Variants in XCR1 observed in about 807,000 individuals in gnomAD.
XCR1 encodes the protein X-C motif chemokine receptor 1, also known as chemokine XC receptor 1.
For synonymous variants in XCR1, 187 were observed against 188.5 expected (o/e 0.99, Z 0.06); for missense variants, 356 against 424.2 (o/e 0.84, Z 1.41).
At chr3:46,059,366 A>T (rs1476830792) in intron 4 of XCR1, among the ~76,000 whole-genome samples, 1 of 152,200 alleles carries the variant, frequency 6.6e-6, no homozygotes, top group Non-Finnish European at 1.5e-5. Context: ...CAGTGATGAG[A>T]AGAAATACTC....
At chr3:46,041,405 A>G (rs1245824693) in intron 5 of XCR1, among the ~76,000 whole-genome samples, 3 of 152,146 alleles carry the variant, frequency 2.0e-5, no homozygotes, top group Non-Finnish European at 4.4e-5. Flanking sequence ...TGGTCCTGCT[A>G]TGATTTGTCT....
intron 1 of XCR1, among the ~76,000 whole-genome samples, chr3:46,079,929 C>G (rs1483188715): frequency 6.6e-6 from 1 of 152,130 alleles, no homozygotes; most frequent in Non-Finnish European, 1.5e-5. Context: ...CAAACAGAAG[C>G]TGACCATGAG....
At chr3:46,031,983 G>A (rs748562443), upstream of XCR1, among the ~76,000 whole-genome samples, 1 of 152,210 alleles carries the variant, frequency 6.6e-6, no homozygotes, top group African/African-American at 2.4e-5. Context: ...GGGACACCCT[G>A]GCTGCAGAAA....
intron 5 of XCR1, among the ~76,000 whole-genome samples, chr3:46,039,520 G>A (rs899919412): frequency 2.0e-5 from 3 of 152,174 alleles, no homozygotes; most frequent in African/African-American, 7.2e-5. Context: ...TAGAATGATA[G>A]GACTTTCTGT....
intron 1 of XCR1, among the ~76,000 whole-genome samples, chr3:46,083,547 A>ATT (rs138681956): frequency 3.3e-5 from 5 of 151,718 alleles, no homozygotes; most frequent in African/African-American, 1.2e-4. Context: ...AGCTCCATGC[A>ATT]TTTTTTTTTC....
intron 1 of XCR1, chr3:46,023,949 T>G: frequency 6.8e-7 from 1 of 1,468,076 alleles, no homozygotes; most frequent in East Asian, 2.3e-5. Flanking sequence ...ATGTAGATGC[T>G]GATTTTGTAG....
chr3:46,054,927 G>A (rs929692204), intron 4 of XCR1, among the ~76,000 whole-genome samples: 3 of 152,186 alleles, frequency 2.0e-5, no homozygotes, highest in African/African-American at 7.2e-5. Context: ...GGAGCCAATG[G>A]TCAGCCAAGA....
chr3:46,030,708 GGCAGGAGCAGCT>G (rs996066340), upstream of XCR1, among the ~76,000 whole-genome samples: 39 of 152,332 alleles, frequency 2.6e-4, no homozygotes, highest in African/African-American at 7.9e-4. Flanking sequence ...GAGCGGTGGT[GGCAGGAGCAGCT>G]GCAGGAGCAG....
intron 1 of XCR1, among the ~76,000 whole-genome samples, chr3:46,084,567 TC>T (rs938836810): frequency 1.3e-5 from 2 of 152,232 alleles, no homozygotes; most frequent in Admixed American, 6.5e-5. Context: ...CAATGTAATT[TC>T]TATAAACCAA....
chr3:46,040,328 A>G (rs1020503667), intron 5 of XCR1, among the ~76,000 whole-genome samples: 5 of 152,144 alleles, frequency 3.3e-5, no homozygotes, highest in Admixed American at 1.3e-4. Flanking sequence ...TTGATATTTG[A>G]CAGACTTTAC....
chr3:46,047,777 C>G (rs569588160), intron 5 of XCR1, among the ~76,000 whole-genome samples: 1 of 152,304 alleles, frequency 6.6e-6, no homozygotes, highest in South Asian at 2.1e-4. Flanking sequence ...TAAAAGCTTG[C>G]CACCAATGCC....
chr3:46,067,074 C>A (rs1698090608), intron 3 of XCR1, among the ~76,000 whole-genome samples: 1 of 152,156 alleles, frequency 6.6e-6, no homozygotes, highest in Non-Finnish European at 1.5e-5. Context: ...AGGCTGTGAA[C>A]ATTTGTTTTC....
chr3:46,049,073 T>C (rs377216322), intron 5 of XCR1, among the ~76,000 whole-genome samples: 2 of 152,236 alleles, frequency 1.3e-5, no homozygotes, highest in East Asian at 3.8e-4. Flanking sequence ...TCACTGTACA[T>C]GACCAGCTGT....
intron 4 of XCR1, among the ~76,000 whole-genome samples, chr3:46,064,618 T>C (rs1264915849): frequency 6.6e-6 from 1 of 152,220 alleles, no homozygotes; most frequent in East Asian, 1.9e-4. Flanking sequence ...CTTGGAACAT[T>C]CTCACTTGGT....
intron 5 of XCR1, among the ~76,000 whole-genome samples, chr3:46,037,670 C>A (rs555289933): frequency 1.3e-5 from 2 of 151,912 alleles, no homozygotes; most frequent in Non-Finnish European, 2.9e-5. Context: ...CCCTTAAAAC[C>A]TGATAGAAAA....
At chr3:46,069,883 A>G (rs1475992198) in intron 3 of XCR1, among the ~76,000 whole-genome samples, 2 of 147,012 alleles carry the variant, frequency 1.4e-5, no homozygotes, top group Non-Finnish European at 3.0e-5. Context: ...TTGAGGTGTG[A>G]TGTTAGGTTG....
chr3:46,036,094 C>A (rs1697425837), intron 5 of XCR1, among the ~76,000 whole-genome samples: 2 of 152,148 alleles, frequency 1.3e-5, no homozygotes, highest in African/African-American at 4.8e-5. Context: ...AACTGATATT[C>A]TTTTGTAATA....
At chr3:46,051,359 A>C (rs1697739607) in intron 5 of XCR1, among the ~76,000 whole-genome samples, 1 of 152,222 alleles carries the variant, frequency 6.6e-6, no homozygotes, top group Admixed American at 6.5e-5. Context: ...AAAGTACATG[A>C]CTGTCCATCC....
chr3:46,080,003 A>G (rs1452975372), intron 1 of XCR1, among the ~76,000 whole-genome samples: 1 of 152,116 alleles, frequency 6.6e-6, no homozygotes, highest in Non-Finnish European at 1.5e-5. Flanking sequence ...TCAAATGTAG[A>G]GTGGAAGATA....
Sources: allele counts gnomAD v4.1 joint callset (sites outside exome capture counted in the v4.1 genomes callset), GRCh38; gene constraint gnomAD v4.1.1; transcripts MANE v1.5; gene names NCBI Gene and HGNC (gene_info 2026-07-23, HGNC 2026-07-21).